The following NACAD variants were observed in gnomAD, a reference collection of about 807,000 sequenced individuals.
NACAD encodes the protein NAC-alpha domain-containing protein 1.
In NACAD, 47 loss-of-function variants were observed where a neutral mutation model predicts 98.9. That is an observed-to-expected ratio of 0.48 (90% CI 0.38 to 0.61). NACAD has a LOEUF of 0.61. Among genes scored for constraint, NACAD ranks in the 20% least tolerant of loss-of-function variants. The probability of loss-of-function intolerance (pLI) is 0.00; values close to 1 mark genes in which losing one functional copy is unlikely to be tolerated. For missense variants in NACAD, 1,412 were observed against 1,748.2 expected (o/e 0.81, Z 3.43); for synonymous variants, 696 against 767.2 (o/e 0.91, Z 1.53).
chr7:45,087,775 A>G (rs978863278), intron 1 of NACAD, among the ~76,000 whole-genome samples: 10 of 152,154 alleles, frequency 6.6e-5, no homozygotes, highest in Admixed American at 1.3e-4. Flanking sequence ...CTGACACCCA[A>G]CATCAGGAGT....
chr7:45,081,700 A>G (rs899144996), intron 3 of NACAD, 28 bp from the exon 4 acceptor site: 6 of 1,551,172 alleles, frequency 3.9e-6, no homozygotes, highest in African/African-American at 2.7e-5. Context: ...CTGAGCATCC[A>G]TGGGTGGGGT....
Position 45,082,251 on chromosome 7 carries a change from A to G in NACAD, c.3929T>C (p.Val1310Ala). 1 of 1,549,218 alleles carries G rather than the reference A, an allele frequency of 6.5e-7. No individual in the cohort carries two copies. Among genetic ancestry groups the G allele is most frequent in the Non-Finnish European group, 8.7e-7 (1 of 1,146,128 alleles). Residue 1310 changes from valine to alanine, a missense_variant, in exon 2 of 8, where the codon GTG becomes GCG. Around this residue, in one of 5 missense-constraint regions of NACAD, gnomAD observed 572 missense variants for 639.6 expected, o/e 0.89. Transcript: ENST00000490531. The surrounding 1 kb of genome is among the most constrained non-coding windows in gnomAD (Gnocchi z 4.5). ...CAGGTCTTTGGCATCCATGGAGGCC[A>G]CCTTGGGGCTGAGGAGTGGGGAGTG... ...SPHSPLLSPK[V>A]ASMDAKDLAL...
rs1207096136 is a variant in NACAD at position 45,081,601 on chromosome 7, C to T, written c.4257G>A (p.Lys1419=). Residue 1419 remains lysine (K), a splice_region_variant and synonymous_variant, in exon 4 of 8, where the codon AAG becomes AAA. Coordinates refer to ENST00000490531, the MANE Select transcript of NACAD (RefSeq NM_001146334.2). ...KQSRSEKKAR[K]AMSKLGLRQI... ...GTCCCAGAGGGAGCCACCAGCCCAC[C>T]TTTCGGGCCTTCTTCTCACTGCGAC... 3.2e-6 allele frequency: 5 copies of T among 1,551,268 alleles called. No homozygotes were observed. Among genetic ancestry groups the T allele is most frequent in the Non-Finnish European group, 4.4e-6 (5 of 1,146,998 alleles).
At position 45,081,833 on chromosome 7, in the gene NACAD, C is replaced by G; in HGVS notation, c.4107G>C (p.Ser1369=). The G allele has an allele frequency of 1.3e-6, 2 of 1,548,810 alleles. No homozygotes were observed. Among genetic ancestry groups the G allele is most frequent in the Non-Finnish European group, 1.7e-6 (2 of 1,146,956 alleles). The change falls in exon 3 of 8, where the codon TCG becomes TCC. Residue 1369 remains serine (S), a synonymous_variant. Transcript: ENST00000490531. The part of the protein sequence containing the change: ...SPRALGSGQH[S]DSHGESSAEL... ...CGGCTGATGACTCCCCGTGGCTATC[C>G]GAATGCTGGCCCGAGCCCAGGGCCC...
In NACAD at chr7:45,081,110, C is replaced by G; in HGVS notation, c.4404+7G>C. On this transcript the variant is annotated splice_region_variant and intron_variant, in intron 5 of 7. Transcript: ENST00000490531. The stretch of plus-strand genomic sequence containing the variant: ...ATCCCCCATTCCACCACAGCCGCCA[C>G]CCAGACCTTGGCCTCGCCAAAGACC... 1 of 1,551,454 alleles carries G rather than the reference C, an allele frequency of 6.4e-7. No individual in the cohort carries two copies. Among genetic ancestry groups the G allele is most frequent in the East Asian group, 2.4e-5 (1 of 40,932 alleles).
At chr7:45,087,013 G>A (rs763489422) in intron 1 of NACAD, among the ~76,000 whole-genome samples, 2 of 152,126 alleles carry the variant, frequency 1.3e-5, no homozygotes, top group African/African-American at 4.8e-5. Flanking sequence ...CCCCCAACCC[G>A]CTGGGCAGGC....
chr7:45,083,340 G>T lies in NACAD; in HGVS notation c.2840C>A (p.Thr947Asn). 1.3e-6 allele frequency: 2 copies of T among 1,551,322 alleles called. No homozygotes were observed. Among genetic ancestry groups the T allele is most frequent in the Non-Finnish European group, 1.7e-6 (2 of 1,147,014 alleles). The change falls in exon 2 of 8, where the codon ACC (threonine) becomes AAC (asparagine). Residue 947 changes from threonine to asparagine, a missense_variant. Thr to Asn is a moderately conservative substitution (Grantham distance 65). Coordinates refer to ENST00000490531, the MANE Select transcript of NACAD (RefSeq NM_001146334.2). The stretch of plus-strand genomic sequence containing the variant: ...GGCACAGCCTGCTTCTGCCTGCAAG[G>T]TTTGAGGGGTGGCCACAGCCAGAGG... ...PEPLAVATPQ[T>N]LQAEAGCAPG...
chr7:45,086,370 C>T (rs1784523197), intron 1 of NACAD, among the ~76,000 whole-genome samples: 1 of 152,168 alleles, frequency 6.6e-6, no homozygotes, highest in Admixed American at 6.5e-5. Flanking sequence ...ACAGACCTGT[C>T]TGGCGGCTTT....
At chr7:45,087,044 G>A (rs1041626782) in intron 1 of NACAD, among the ~76,000 whole-genome samples, 7 of 152,156 alleles carry the variant, frequency 4.6e-5, no homozygotes, top group African/African-American at 1.7e-4. Flanking sequence ...GGAGGCTCTG[G>A]TACTCAGTAA....
In NACAD at chr7:45,088,554, C is replaced by A. The variant is rs1167930807; in HGVS notation, c.67+274G>T. Among the ~76,000 whole-genome samples the A allele has an allele frequency of 6.6e-6, 1 of 152,222 alleles. No individual in the cohort carries two copies. Among genetic ancestry groups the A allele is most frequent in the Non-Finnish European group, 1.5e-5 (1 of 68,038 alleles). The stretch of plus-strand genomic sequence containing the variant: ...ACAACGGGATGCAGCGGGCGGGATG[C>A]GAGCCCCACGATCCCTGGGTCGGAA... On this transcript the variant is annotated intron_variant, in intron 1 of 7. Transcript: ENST00000490531. The surrounding 1 kb of genome is among the most constrained non-coding windows in gnomAD (Gnocchi z 5.7).
intron 5 of NACAD, 35 bp downstream of exon 5, chr7:45,081,082 C>T (rs772078242): frequency 1.2e-5 from 18 of 1,550,790 alleles, no homozygotes; most frequent in Admixed American, 5.9e-5. Flanking sequence ...CCCTATCCCT[C>T]GGATCCCCCA....
At chr7:45,087,716 G>A (rs1487436111) in intron 1 of NACAD, among the ~76,000 whole-genome samples, 1 of 152,198 alleles carries the variant, frequency 6.6e-6, no homozygotes, top group Non-Finnish European at 1.5e-5. Flanking sequence ...GGGGTGATGG[G>A]ACATCCAGGG....
Position 45,085,640 on chromosome 7 carries a change from G to A in NACAD, c.540C>T (p.Pro180=), listed in dbSNP as rs1279269995. ...GAAGCAGGGCATAGGTGGTCTTGGT[G>A]GGGGTGGAGGGAGGCGTGAAGAAGG... is the stretch of plus-strand genomic sequence containing the variant. ...PDSFFTPPST[P]TKTTYALLPA... is the part of the protein sequence containing the mutation. The change falls in exon 2 of 8, where the codon CCC becomes CCT. Residue 180 remains proline, a synonymous_variant. Coordinates refer to ENST00000490531, the MANE Select transcript of NACAD (RefSeq NM_001146334.2). The surrounding 1 kb of genome is among the most constrained non-coding windows in gnomAD (Gnocchi z 6.1). The A allele has an allele frequency of 1.3e-6, 2 of 1,548,262 alleles. No homozygotes were observed. Among genetic ancestry groups the A allele is most frequent in the African/African-American group, 1.4e-5 (1 of 73,024 alleles).
Position 45,085,469 on chromosome 7 carries a change from G to C in NACAD, c.711C>G (p.Ser237Arg). ...SWASSPSCSL[S>R]LLAPAEGLDF... Reference sequence around the variant, plus strand: ...CCAGCCCTTCAGCCGGAGCCAGCAGGCTGAGGGAACAGGAGGGTGAAGAGG... The same window carrying C: ...CCAGCCCTTCAGCCGGAGCCAGCAGCCTGAGGGAACAGGAGGGTGAAGAGG... The change falls in exon 2 of 8, where the codon AGC (serine) becomes AGG (arginine). Residue 237 changes from serine (S) to arginine (R), a missense_variant. Coordinates refer to ENST00000490531, the MANE Select transcript of NACAD (RefSeq NM_001146334.2). The surrounding 1 kb of genome is among the most constrained non-coding windows in gnomAD (Gnocchi z 6.1). 1.3e-6 allele frequency: 2 copies of C among 1,550,566 alleles called. No homozygotes were observed. The highest frequency in any genetic ancestry group is 2.4e-5 in the South Asian group (2 of 83,970).
rs1161623636 is a variant in NACAD, at chr7:45,082,670, C to T, written c.3510G>A (p.Ala1170=). 9.3e-6 allele frequency: 14 copies of T among 1,505,662 alleles called. No individual in the cohort carries two copies. Among genetic ancestry groups the T allele is most frequent in the African/African-American group, 1.4e-5 (1 of 71,996 alleles). The allele number at this position is 1,505,662 out of a possible 1,614,324, so 93.3% of individuals were successfully genotyped here. ...VSSLDRGCPD[A]PAPTSAPTSQ... Reference sequence around the variant, plus strand: ...AGGTTGGTGCAGACGTGGGGGCAGGCGCGTCAGGGCAGCCTCTGTCCAGAC... The same window carrying T: ...AGGTTGGTGCAGACGTGGGGGCAGGTGCGTCAGGGCAGCCTCTGTCCAGAC... Residue 1170 remains alanine (A), a synonymous_variant, in exon 2 of 8, where the codon GCG becomes GCA. Coordinates refer to ENST00000490531, the MANE Select transcript of NACAD (RefSeq NM_001146334.2). The surrounding 1 kb of genome is among the most constrained non-coding windows in gnomAD (Gnocchi z 4.5).
rs930753685 is a variant in NACAD, at chr7:45,082,005, C to T, written c.4072+103G>A. The T allele has an allele frequency of 2.2e-5, 32 of 1,451,964 alleles. No individual in the cohort carries two copies. In the African/African-American group the frequency reaches 4.4e-4, roughly 20 times the overall value. 89.9% of individuals were successfully genotyped at this position (1,451,964 alleles called of 1,614,324 possible). ...TCCATGGTGGCTGTGGGGTCTGGGC[C>T]CCCCACCTCGCCACCTCAGAGGCCC... On this transcript the variant is annotated intron_variant, in intron 2 of 7. Transcript: ENST00000490531. This position sits in a 1 kb window ranked among gnomAD's most constrained non-coding sequence, Gnocchi z 4.5.
rs61740897 is a variant in NACAD at position 45,082,524 on chromosome 7, G to A, written c.3656C>T (p.Thr1219Met). 34 of 1,549,444 alleles carry A rather than the reference G, an allele frequency of 2.2e-5. No homozygotes were observed. The highest frequency in any genetic ancestry group is 3.9e-5 in the Admixed American group (2 of 50,916). The stretch of plus-strand genomic sequence containing the variant: ...AGGGCCCAGGGGCCTGTCCACGGGC[G>A]TGCTGGGCTGACCCTTGGCAAGGTT... Reference protein sequence around the residue: ...PENLAKGQPSTPVDRPLGPDP... With the variant: ...PENLAKGQPSMPVDRPLGPDP... The change falls in exon 2 of 8, where the codon ACG becomes ATG. Residue 1219 changes from threonine to methionine, a missense_variant. Thr to Met is a moderately conservative substitution (Grantham distance 81). Around this residue, in one of 5 missense-constraint regions of NACAD, gnomAD observed 572 missense variants for 639.6 expected, o/e 0.89. Transcript: ENST00000490531. The surrounding 1 kb of genome is among the most constrained non-coding windows in gnomAD (Gnocchi z 4.5).
rs1349196905 is a variant in NACAD, at chr7:45,082,108, C to T, written c.4072G>A (p.Asp1358Asn). The T allele has an allele frequency of 6.8e-7, 1 of 1,468,790 alleles. No homozygotes were observed. The highest frequency in any genetic ancestry group is 9.0e-7 in the Non-Finnish European group (1 of 1,109,074). The allele number at this position is 1,468,790 out of a possible 1,614,324, so 91.0% of individuals were successfully genotyped here. Residue 1358 changes from aspartate to asparagine, a missense_variant and splice_region_variant, in exon 2 of 8, where the codon GAC becomes AAC. Transcript: ENST00000490531. The surrounding 1 kb of genome is among the most constrained non-coding windows in gnomAD (Gnocchi z 4.5). The stretch of plus-strand genomic sequence containing the variant: ...ACTTCACTCCCACCCTCTGCCTTAC[C>T]TTCCTCCAGGCTGTCCTCATCCTCT... ...QQEDEDSLEE[D>N]SPRALGSGQH...
chr7:45,088,960 C>CGCCGA lies in NACAD; in HGVS notation c.-71_-67dup, dbSNP rs1164973516. The CGCCGA allele has an allele frequency of 8.1e-7, 1 of 1,239,110 alleles. No individual in the cohort carries two copies. The highest frequency in any genetic ancestry group is 1.0e-6 in the Non-Finnish European group (1 of 982,368). 76.8% of individuals were successfully genotyped at this position (1,239,110 alleles called of 1,614,324 possible). On this transcript the variant is annotated 5_prime_UTR_variant, in exon 1 of 8. Coordinates refer to ENST00000490531, the MANE Select transcript of NACAD (RefSeq NM_001146334.2). This position sits in a 1 kb window ranked among gnomAD's most constrained non-coding sequence, Gnocchi z 5.7. ...CCTCCGTCAGTCCGTGCCGCCGCCC[C>CGCCGA]GCCGAGCCTGCGCGGCCACCGCCCC... is the stretch of plus-strand genomic sequence containing the variant.
Sources: allele counts gnomAD v4.1 joint callset (sites outside exome capture counted in the v4.1 genomes callset), GRCh38; gene constraint gnomAD v4.1.1; regional missense constraint gnomAD v4.1.1; non-coding constraint Gnocchi (gnomAD v3.1); transcripts MANE v1.5; gene names NCBI Gene and HGNC (gene_info 2026-07-23, HGNC 2026-07-21).